The following ZNF516 variants were observed in gnomAD, a reference collection of about 807,000 sequenced individuals.
The protein encoded by ZNF516 is zinc finger protein 516.
A neutral mutation model predicts 79.7 loss-of-function variants in ZNF516; 19 were observed. That is an observed-to-expected ratio of 0.24 (90% confidence interval 0.17 to 0.35). The LOEUF is 0.35. Ranked by LOEUF, ZNF516 falls within the 10% of genes least tolerant of loss-of-function variation. The pLI, the probability that ZNF516 is intolerant of heterozygous loss-of-function variation, is 1.00. For missense variants in ZNF516, 1,678 were observed against 1,679.5 expected (o/e 1.00, Z 0.02); for synonymous variants, 877 against 739.5 (o/e 1.19, Z -3.02).
intron 1 of ZNF516, among the ~76,000 whole-genome samples, chr18:76,465,071 G>A (rs1046295708): frequency 2.0e-5 from 3 of 152,238 alleles, no homozygotes; most frequent in Admixed American, 6.5e-5. Flanking sequence ...CCCAGGGCTC[G>A]CCACGCAGCT....
At chr18:76,375,213 C>T (rs1311067763) in intron 4 of ZNF516, among the ~76,000 whole-genome samples, 1 of 152,078 alleles carries the variant, frequency 6.6e-6, no homozygotes, top group African/African-American at 2.4e-5. Flanking sequence ...ACTTTAAGGG[C>T]GTCAAAAACA....
At chr18:76,380,578 G>A (rs996377548) in intron 3 of ZNF516, among the ~76,000 whole-genome samples, 4 of 152,136 alleles carry the variant, frequency 2.6e-5, no homozygotes, top group African/African-American at 9.7e-5. Flanking sequence ...TACATGTAAC[G>A]ACGCTGTCCC....
chr18:76,408,290 A>G (rs1345267464), intron 3 of ZNF516, among the ~76,000 whole-genome samples: 1 of 152,184 alleles, frequency 6.6e-6, no homozygotes, highest in African/African-American at 2.4e-5. Flanking sequence ...GACTGTTTCC[A>G]AGGTGGGTGA....
intron 3 of ZNF516, among the ~76,000 whole-genome samples, chr18:76,423,613 C>T (rs80027154): frequency 0.043 from 1,360 of 31,640 alleles, 10 homozygotes; most frequent in Middle Eastern, 0.1. Context: ...CCCTGAAACA[C>T]CCACACGCAG....
At chr18:76,403,373 G>A (rs1785333105) in intron 3 of ZNF516, among the ~76,000 whole-genome samples, 1 of 152,166 alleles carries the variant, frequency 6.6e-6, no homozygotes, top group South Asian at 2.1e-4. Context: ...CACATACAAA[G>A]CACAAGCATG....
At chr18:76,473,273 T>C (rs1913951879) in intron 1 of ZNF516, among the ~76,000 whole-genome samples, 1 of 123,122 alleles carries the variant, frequency 8.1e-6, no homozygotes, top group Non-Finnish European at 1.7e-5. Flanking sequence ...GTTTCAGAAA[T>C]AAATATTAAT....
chr18:76,412,336 A>C (rs1035731773), intron 3 of ZNF516, among the ~76,000 whole-genome samples: 5 of 152,124 alleles, frequency 3.3e-5, no homozygotes, highest in African/African-American at 1.2e-4. Context: ...GGACGGCCTG[A>C]AACAGGAAAA....
chr18:76,413,110 A>G (rs1469798884), intron 3 of ZNF516, among the ~76,000 whole-genome samples: 1 of 152,258 alleles, frequency 6.6e-6, no homozygotes, highest in Non-Finnish European at 1.5e-5. Flanking sequence ...ATTTGGAAAC[A>G]GGACGTACTG....
At chr18:76,494,283 G>A (rs891103551) in intron 1 of ZNF516, among the ~76,000 whole-genome samples, 2 of 152,168 alleles carry the variant, frequency 1.3e-5, no homozygotes, top group Non-Finnish European at 2.9e-5. Context: ...GGAAATGGCA[G>A]CGGAGGCGCC....
intron 3 of ZNF516, among the ~76,000 whole-genome samples, chr18:76,404,967 C>T (rs981469049): frequency 4.6e-5 from 7 of 152,138 alleles, no homozygotes; most frequent in Admixed American, 3.9e-4. Flanking sequence ...CCCCTACCCT[C>T]CTTGGTCCCC....
chr18:76,404,560 T>C (rs2075275934), intron 3 of ZNF516, among the ~76,000 whole-genome samples: 2 of 151,494 alleles, frequency 1.3e-5, no homozygotes, highest in Admixed American at 6.6e-5. Context: ...GTGCATGTGT[T>C]TGTATGTTTG....
rs574445376 is a variant in ZNF516, at chr18:76,448,885, A to G, written c.-157-5674T>C. Among the ~76,000 whole-genome samples, 6 of 151,928 alleles carry G rather than the reference A, an allele frequency of 3.9e-5. No individual in the cohort carries two copies. In the South Asian group the frequency reaches 1.2e-3, roughly 31 times the overall value. On this transcript the variant is annotated intron_variant, in intron 2 of 6. Coordinates refer to ENST00000443185, the MANE Select transcript of ZNF516 (RefSeq NM_014643.4). ...CTGGCAGCGCACCAGTAAGACAAGG[A>G]GAAGTTTCCAGAAGGCCAGGAGGGA...
intron 2 of ZNF516, among the ~76,000 whole-genome samples, chr18:76,445,973 G>C (rs1428536119): frequency 6.6e-6 from 1 of 152,230 alleles, no homozygotes; most frequent in African/African-American, 2.4e-5. Context: ...AGCCAGCTGT[G>C]TGCCAGCAGC....
intron 3 of ZNF516, among the ~76,000 whole-genome samples, chr18:76,437,547 G>A (rs1005688029): frequency 3.3e-5 from 5 of 151,204 alleles, no homozygotes; most frequent in Admixed American, 2.0e-4. Flanking sequence ...CATACAATTT[G>A]CCATTATGTT....
intron 3 of ZNF516, among the ~76,000 whole-genome samples, chr18:76,415,116 C>T (rs1026989090): frequency 2.0e-5 from 3 of 152,012 alleles, no homozygotes; most frequent in Non-Finnish European, 2.9e-5. Flanking sequence ...CAGAATTGTA[C>T]GAACCCAAGA....
chr18:76,425,837 C>A (rs1027171878), intron 3 of ZNF516, among the ~76,000 whole-genome samples: 8 of 152,210 alleles, frequency 5.3e-5, no homozygotes, highest in Non-Finnish European at 1.0e-4. Flanking sequence ...GAGACACAAG[C>A]AGAGCCTCGA....
At chr18:76,374,490 T>A (rs1002998672) in intron 4 of ZNF516, among the ~76,000 whole-genome samples, 1 of 152,242 alleles carries the variant, frequency 6.6e-6, no homozygotes, top group Non-Finnish European at 1.5e-5. Flanking sequence ...AGACTCTTCA[T>A]ATCTACAGAA....
At chr18:76,392,831 G>GGGA (rs2075099558) in intron 3 of ZNF516, among the ~76,000 whole-genome samples, 8 of 58,236 alleles carry the variant, frequency 1.4e-4, no homozygotes, top group Non-Finnish European at 2.1e-4. Flanking sequence ...AGTCAGGTGG[G>GGGA]AAGCCGGGAA....
chr18:76,427,913 C>CT (rs1162373270), intron 3 of ZNF516, among the ~76,000 whole-genome samples: 6 of 152,120 alleles, frequency 3.9e-5, no homozygotes, highest in Non-Finnish European at 8.8e-5. Flanking sequence ...AAATATACCA[C>CT]TTTTTTTGTT....
Sources: gnomAD v4.1 joint callset for allele counts (sites outside exome capture counted in the v4.1 genomes callset) on GRCh38, gnomAD v4.1.1 for gene constraint, MANE v1.5 for transcripts, NCBI Gene and HGNC (gene_info 2026-07-23, HGNC 2026-07-21) for gene names.